The following COL19A1 variants were observed in gnomAD, a reference collection of about 807,000 sequenced individuals.
The protein encoded by COL19A1 is collagen alpha-1(XIX) chain.
Under a neutral mutation model 190.2 loss-of-function variants are expected in COL19A1, and 159 were observed. The ratio of observed to expected loss-of-function variants is 0.84; its 90% CI spans 0.73 to 0.95. The LOEUF is 0.95. COL19A1 is among the 40% of genes least tolerant of loss of function. The pLI is 0.00. For missense variants in COL19A1, 1,418 were observed against 1,431.9 expected, an observed-to-expected ratio of 0.99 and a Z score of 0.16; for synonymous variants, 509 against 458.9, an observed-to-expected ratio of 1.11 and a Z score of -1.39.
At chr6:69,907,942 G>A (rs1023809096) in intron 4 of COL19A1, among the ~76,000 whole-genome samples, 2 of 152,118 alleles carry the variant, frequency 1.3e-5, no homozygotes, top group Non-Finnish European at 2.9e-5. Flanking sequence ...GATACACAGT[G>A]CAAGGAAAAG....
intron 7 of COL19A1, among the ~76,000 whole-genome samples, chr6:69,934,785 A>G (rs568918115): frequency 6.6e-6 from 1 of 152,158 alleles, no homozygotes; most frequent in Non-Finnish European, 1.5e-5. Flanking sequence ...AATGACTAAC[A>G]AAAAATAGAA....
intron 16 of COL19A1, among the ~76,000 whole-genome samples, chr6:70,121,487 A>G (rs549828352): frequency 6.6e-6 from 1 of 152,352 alleles, no homozygotes; most frequent in African/African-American, 2.4e-5. Flanking sequence ...AGTTAATAAC[A>G]TGTGGGAACA....
intron 11 of COL19A1, among the ~76,000 whole-genome samples, chr6:70,008,269 A>G (rs539483890): frequency 6.6e-6 from 1 of 152,016 alleles, no homozygotes; most frequent in South Asian, 2.1e-4. Flanking sequence ...CTTTGAAAAG[A>G]TCAACAAAAT....
chr6:70,059,405 C>A (rs1780691503), intron 14 of COL19A1, among the ~76,000 whole-genome samples: 1 of 152,156 alleles, frequency 6.6e-6, no homozygotes, highest in Admixed American at 6.6e-5. Context: ...ATTAACTCTA[C>A]AAAACATCTG....
At chr6:69,914,115 C>T (rs1172443297) in intron 4 of COL19A1, among the ~76,000 whole-genome samples, 1 of 152,144 alleles carries the variant, frequency 6.6e-6, no homozygotes, top group Non-Finnish European at 1.5e-5. Flanking sequence ...AAGTCGTTTA[C>T]AATGCCACAT....
At chr6:70,207,055 A>G (rs568724289) in intron 50 of COL19A1, 77 bp downstream of exon 50, 6 of 1,602,636 alleles carry the variant, frequency 3.7e-6, no homozygotes, top group Non-Finnish European at 5.1e-6. Flanking sequence ...GGGTCCTTAT[A>G]TGTCAAGTCG....
chr6:70,058,554 CCTAGTACACA>C (rs1242148096), intron 14 of COL19A1, among the ~76,000 whole-genome samples: 3 of 151,994 alleles, frequency 2.0e-5, no homozygotes, highest in Non-Finnish European at 2.9e-5. Context: ...ATATCTATTT[CCTAGTACACA>C]CTGACTACTG....
rs1257192041 is a variant in COL19A1 at position 70,208,913 on chromosome 6, A to G, written c.*1639A>G. On this transcript the variant is annotated 3_prime_UTR_variant, in exon 51 of 51. Coordinates refer to ENST00000620364, the MANE Select transcript of COL19A1 (RefSeq NM_001858.6). ...ATGAACTGCTGGTCAGGTACTGTCT[A>G]CAATGGCTGTGCATACCTATAACAT... The G allele has an allele frequency of 6.6e-6, 1 of 152,670 alleles. No individual in the cohort carries two copies. Among genetic ancestry groups the G allele is most frequent in the Non-Finnish European group, 1.5e-5 (1 of 68,048 alleles). The allele number at this position is 152,670 out of a possible 1,614,324, so 9.5% of individuals were successfully genotyped here. A position where few individuals can be genotyped will look rare whatever the true frequency, so the allele number is the denominator to read the frequency against.
intron 14 of COL19A1, among the ~76,000 whole-genome samples, chr6:70,037,758 T>C (rs1308180454): frequency 6.6e-6 from 1 of 152,220 alleles, no homozygotes; most frequent in Non-Finnish European, 1.5e-5. Flanking sequence ...TGTATTGGAT[T>C]ACATATATTT....
At position 69,921,290 on chromosome 6, in the gene COL19A1, TC is replaced by T. The variant is rs1378226608; in HGVS notation, c.267-6618del. ...TATCATATATATCATATATCATATA[TC>T]ATATATATCATATATCATATATCAT... On this transcript the variant is annotated intron_variant, in intron 4 of 50. Transcript: ENST00000620364. 3.4e-3 allele frequency among the ~76,000 whole-genome samples: 450 copies of T among 132,020 alleles called. 6 individuals carry two copies. Among genetic ancestry groups the T allele is most frequent in the African/African-American group, 0.012 (425 of 35,584 alleles). 86.6% of individuals were successfully genotyped at this position (132,020 alleles called of 152,430 possible).
rs1785434453 is a variant in COL19A1 at position 70,130,154 on chromosome 6, T to A, written c.1342-28T>A. 2.5e-6 allele frequency: 4 copies of A among 1,609,868 alleles called. No individual in the cohort carries two copies. The East Asian group carries it at 8.9e-5, about 36-fold the overall frequency. ...GTTAAAAATTAGCGGATTTTTCTTT[T>A]GTATTTTAAATTGTTTTTCACCCCT... is the stretch of plus-strand genomic sequence containing the variant. On this transcript the variant is annotated intron_variant, in intron 17 of 50. Coordinates refer to ENST00000620364, the MANE Select transcript of COL19A1 (RefSeq NM_001858.6).
At chr6:69,882,600 A>G (rs983007919) in intron 2 of COL19A1, among the ~76,000 whole-genome samples, 1 of 152,198 alleles carries the variant, frequency 6.6e-6, no homozygotes. Context: ...ACAGAAAACC[A>G]GAGTTTAAAA....
chr6:69,928,054 G>C, intron 5 of COL19A1, 22 bp downstream of exon 5: 1 of 1,603,772 alleles, frequency 6.2e-7, no homozygotes, highest in Non-Finnish European at 8.5e-7. Flanking sequence ...TTAGAGTTGT[G>C]CTCATTAGTT....
chr6:70,172,120 G>A, intron 41 of COL19A1, 103 bp downstream of exon 41: 3 of 917,888 alleles, frequency 3.3e-6, no homozygotes, highest in Admixed American at 2.6e-5. Context: ...ATATATAAAG[G>A]AACAAAACAG....
chr6:70,180,827 A>G (rs1223517984), intron 44 of COL19A1, among the ~76,000 whole-genome samples: 1 of 152,212 alleles, frequency 6.6e-6, no homozygotes, highest in Non-Finnish European at 1.5e-5. Flanking sequence ...ATGGCCTGTC[A>G]TGTCCTAAAG....
intron 14 of COL19A1, among the ~76,000 whole-genome samples, chr6:70,058,094 T>A (rs548523478): frequency 3.5e-4 from 53 of 152,194 alleles, no homozygotes; most frequent in East Asian, 1.5e-3. Context: ...CAATTAAAAA[T>A]GTTTTTAGCT....
intron 4 of COL19A1, among the ~76,000 whole-genome samples, chr6:69,918,461 C>A (rs373012980): frequency 1.1e-4 from 17 of 152,142 alleles, no homozygotes; most frequent in East Asian, 3.9e-4. Context: ...CTTGGGGAGG[C>A]CAATGCAGAT....
At chr6:70,053,473 C>T (rs993806786) in intron 14 of COL19A1, among the ~76,000 whole-genome samples, 1 of 152,114 alleles carries the variant, frequency 6.6e-6, no homozygotes, top group Admixed American at 6.5e-5. Flanking sequence ...ACTGGAACAA[C>T]CTGAGCATGT....
intron 15 of COL19A1, among the ~76,000 whole-genome samples, chr6:70,070,479 G>A (rs981692794): frequency 3.3e-5 from 5 of 152,060 alleles, no homozygotes; most frequent in Non-Finnish European, 7.4e-5. Flanking sequence ...CGTCATTATT[G>A]CTACTGCTCT....
Sources: allele counts gnomAD v4.1 joint callset (sites outside exome capture counted in the v4.1 genomes callset), GRCh38; gene constraint gnomAD v4.1.1; transcripts MANE v1.5; gene names NCBI Gene and HGNC (gene_info 2026-07-23, HGNC 2026-07-21).